Variants in SLC23A3 observed in about 807,000 individuals in gnomAD.
SLC23A3 encodes the protein solute carrier family 23 member 3.
SLC23A3 carries 41 observed loss-of-function variants against 64.7 expected under a neutral mutation model. That is an observed-to-expected ratio of 0.63 (90% CI 0.49 to 0.82). SLC23A3 has a LOEUF of 0.82. SLC23A3 is among the 40% of genes least tolerant of loss of function. The probability of loss-of-function intolerance (pLI) is 0.00; values close to 1 mark genes in which losing one functional copy is unlikely to be tolerated. For missense variants in SLC23A3, 647 were observed against 733.4 expected (o/e 0.88, Z 1.36); for synonymous variants, 281 against 306.8 (o/e 0.92, Z 0.88).
rs1301784236 is a variant in SLC23A3, at chr2:219,161,698, T to G, written c.*211A>C. The G allele has an allele frequency of 2.2e-6, 1 of 457,666 alleles. No homozygotes were observed. Among genetic ancestry groups the G allele is most frequent in the Admixed American group, 3.7e-5 (1 of 27,008 alleles). The allele number at this position is 457,666 out of a possible 1,614,324, so 28.4% of individuals were successfully genotyped here. On this transcript the variant is annotated 3_prime_UTR_variant, in exon 12 of 12. Coordinates refer to ENST00000409878, the MANE Select transcript of SLC23A3 (RefSeq NM_001144889.2). ...CAGGCAAAATCTCAATCATTCATGG[T>G]CCACTAAATCATGGCCTCTGCTCTG...
intron 5 of SLC23A3, 159 bp downstream of exon 5, chr2:219,168,493 G>C (rs971919133): frequency 9.2e-7 from 1 of 1,088,802 alleles, no homozygotes; most frequent in African/African-American, 1.6e-5. Context: ...GAAATTCAAG[G>C]AGACCAGATG....
chr2:219,162,317 G>A lies in SLC23A3; in HGVS notation c.1519C>T (p.Leu507=). ...AACTTACCAGGAATCGTGTTCTCTA[G>A]TAGGAAGCCTGAGAGTCCAGCCAGG... The part of the protein sequence containing the change: ...IFLAGLSGFL[L]ENTIPGTQLE... Residue 507 remains leucine, a synonymous_variant, in exon 11 of 12, where the codon CTA becomes TTA. Transcript: ENST00000409878. 1 of 1,614,140 alleles carries A rather than the reference G, an allele frequency of 6.2e-7. No homozygotes were observed. Among genetic ancestry groups the A allele is most frequent in the Non-Finnish European group, 8.5e-7 (1 of 1,180,018 alleles).
rs1950024153 is a variant in SLC23A3 at position 219,168,266 on chromosome 2, G to C, written c.727C>G (p.His243Asp). ...GAAGCTCGCCTCCAGGGGCACACAT[G>C]AAACTGGCAGGAGCCCAGGTGCTGA... ...CSQHLGSCQFHVCPWRRASTS... is the reference protein window; with the variant it reads ...CSQHLGSCQFDVCPWRRASTS... Residue 243 changes from histidine (H) to aspartate (D), a missense_variant, in exon 6 of 12, where the codon CAT becomes GAT. By Grantham distance (81) the His-to-Asp change is moderately conservative. Transcript: ENST00000409878. 1.2e-6 allele frequency: 2 copies of C among 1,613,656 alleles called. No individual in the cohort carries two copies. The highest frequency in any genetic ancestry group is 3.3e-5 in the Admixed American group (2 of 59,960).
rs1319321401 is a variant in SLC23A3, at chr2:219,169,626, C to T, written c.215G>A (p.Cys72Tyr). The T allele has an allele frequency of 6.2e-7, 1 of 1,614,184 alleles. No individual in the cohort carries two copies. Among genetic ancestry groups the T allele is most frequent in the Non-Finnish European group, 8.5e-7 (1 of 1,180,026 alleles). The change falls in exon 2 of 12, where the codon TGC becomes TAC. Residue 72 changes from cysteine (C) to tyrosine (Y), a missense_variant. Coordinates refer to ENST00000409878, the MANE Select transcript of SLC23A3 (RefSeq NM_001144889.2). This position sits in a 1 kb window ranked among gnomAD's most constrained non-coding sequence, Gnocchi z 4.5. ...LLCVSHLLLLCSLSPGGLSYS... is the reference protein window; with the variant it reads ...LLCVSHLLLLYSLSPGGLSYS... ...AGAGAGTCCTCCTGGGGAGAGACTG[C>T]AAAGCAGGAGCAGGTGGGAGACACA... is the stretch of plus-strand genomic sequence containing the variant.
rs1291257184 is a variant in SLC23A3, at chr2:219,169,443, G to C, written c.321-37C>G. 6.2e-7 allele frequency: 1 copy of C among 1,613,786 alleles called. No individual in the cohort carries two copies. The highest frequency in any genetic ancestry group is 1.3e-5 in the African/African-American group (1 of 74,920). On this transcript the variant is annotated intron_variant, in intron 2 of 11. Transcript: ENST00000409878. This position sits in a 1 kb window ranked among gnomAD's most constrained non-coding sequence, Gnocchi z 4.5. ...GCAGCCCCAGCAGGTCTGGGACTAT[G>C]TGGCAGCCAGCAAGGCTCCCCCAAA...
chr2:219,165,486 C>T, intron 7 of SLC23A3, 64 bp from the exon 8 acceptor site: 1 of 1,498,602 alleles, frequency 6.7e-7, no homozygotes, highest in Non-Finnish European at 8.9e-7. Context: ...CTGCCTCCAA[C>T]AGCCTGTGCC....
rs1949997404 is a variant in SLC23A3 at position 219,165,496 on chromosome 2, C to T, written c.914-74G>A. ...ACCCCCTGCCTCCAACAGCCTGTGCCACAAGAATCCTAGATGCCTCAATGT... is the reference window on the plus strand; with the variant it reads ...ACCCCCTGCCTCCAACAGCCTGTGCTACAAGAATCCTAGATGCCTCAATGT... On this transcript the variant is annotated intron_variant, in intron 7 of 11. Transcript: ENST00000409878. 1.5e-5 allele frequency: 22 copies of T among 1,481,770 alleles called. No individual in the cohort carries two copies. The South Asian group carries it at 2.7e-4, about 18-fold the overall frequency. 91.8% of individuals were successfully genotyped at this position (1,481,770 alleles called of 1,614,324 possible).
chr2:219,168,365 G>C, intron 5 of SLC23A3, 47 bp from the exon 6 acceptor site: 1 of 1,524,178 alleles, frequency 6.6e-7, no homozygotes. Flanking sequence ...GGTATCCTGA[G>C]GGATGGGAAA....
chr2:219,169,403 C>G lies in SLC23A3; in HGVS notation c.324G>C (p.Leu108=). The G allele has an allele frequency of 1.2e-6, 2 of 1,614,166 alleles. No homozygotes were observed. The highest frequency in any genetic ancestry group is 2.2e-5 in the South Asian group (2 of 91,086). Reference sequence around the variant, plus strand: ...CTAAGGATGGAGCCTGGACAAGAGGCAGCCTGTAGGAACAGCAGCCCCAGC... The same window carrying G: ...CTAAGGATGGAGCCTGGACAAGAGGGAGCCTGTAGGAACAGCAGCCCCAGC... The part of the protein sequence containing the change: ...TILQTWMGSR[L]PLVQAPSLEF... Residue 108 remains leucine (L), a synonymous_variant, in exon 3 of 12, where the codon CTG becomes CTC. Transcript: ENST00000409878. The surrounding 1 kb of genome is among the most constrained non-coding windows in gnomAD (Gnocchi z 4.5).
Position 219,169,384 on chromosome 2 carries a change from A to T in SLC23A3, c.343T>A (p.Ser115Thr), listed in dbSNP as rs1321579259. Reference sequence around the variant, plus strand: ...AGAGCAGGGATAAGGAACTCTAAGGATGGAGCCTGGACAAGAGGCAGCCTG... The same window carrying T: ...AGAGCAGGGATAAGGAACTCTAAGGTTGGAGCCTGGACAAGAGGCAGCCTG... ...GSRLPLVQAP[S>T]LEFLIPALVL... is the part of the protein sequence containing the mutation. The change falls in exon 3 of 12, where the codon TCC becomes ACC. Residue 115 changes from serine (S) to threonine (T), a missense_variant. Ser to Thr is a moderately conservative substitution (Grantham distance 58). Transcript: ENST00000409878. The surrounding 1 kb of genome is among the most constrained non-coding windows in gnomAD (Gnocchi z 4.5). 1.2e-6 allele frequency: 2 copies of T among 1,614,078 alleles called. No homozygotes were observed. The highest frequency in any genetic ancestry group is 2.7e-5 in the African/African-American group (2 of 74,950).
chr2:219,166,998 C>T (rs891166392), intron 7 of SLC23A3, among the ~76,000 whole-genome samples: 2 of 152,220 alleles, frequency 1.3e-5, no homozygotes, highest in Non-Finnish European at 2.9e-5. Context: ...ATCACTATGT[C>T]CTCTACCATG....
intron 8 of SLC23A3, chr2:219,164,540 A>T: frequency 2.1e-6 from 1 of 487,296 alleles, no homozygotes; most frequent in East Asian, 3.5e-5. Flanking sequence ...GCCTTCTGAA[A>T]TTTTCTTCAC....
rs750691717 is a variant in SLC23A3 at position 219,168,290 on chromosome 2, G to A, written c.703C>T (p.Gln235Ter). Residue 235 changes from glutamine to a stop codon, truncating the protein, a stop_gained, in exon 6 of 12, where the codon CAG becomes TAG. Coordinates refer to ENST00000409878, the MANE Select transcript of SLC23A3 (RefSeq NM_001144889.2). LOFTEE classifies it high-confidence loss of function. ...TGAAACTGGCAGGAGCCCAGGTGCT[G>A]AGAACAGACCACCATGAGCAGGATA... ...LVILLMVVCSQHLGSCQFHVC... is the reference protein window; with the variant it reads ...LVILLMVVCS 2.5e-6 allele frequency: 4 copies of A among 1,612,270 alleles called. No homozygotes were observed.
At chr2:219,168,433 T>C (rs1429523814) in intron 5 of SLC23A3, 115 bp from the exon 6 acceptor site, 14 of 1,313,208 alleles carry the variant, frequency 1.1e-5, no homozygotes, top group African/African-American at 1.0e-4. Flanking sequence ...AGAAGGAAAC[T>C]CCCATGGAAG....
Position 219,165,404 on chromosome 2 carries a change from A to C in SLC23A3, c.932T>G (p.Leu311Trp). The change falls in exon 8 of 12, where the codon TTG (leucine) becomes TGG (tryptophan). Residue 311 changes from leucine to tryptophan, a missense_variant. Coordinates refer to ENST00000409878, the MANE Select transcript of SLC23A3 (RefSeq NM_001144889.2). ...TGCAGCCAGAGCTCTGGGCGTCAGC[A>C]AAGGCCAATTCCACTCACCTGGGGA... ...LPHPGEWNWP[L>W]LTPRALAAGI... 1 of 1,550,758 alleles carries C rather than the reference A, an allele frequency of 6.4e-7. No homozygotes were observed. Among genetic ancestry groups the C allele is most frequent in the Non-Finnish European group, 8.7e-7 (1 of 1,146,704 alleles).
chr2:219,163,332 C>T, intron 10 of SLC23A3, 56 bp downstream of exon 10: 1 of 1,580,122 alleles, frequency 6.3e-7, no homozygotes, highest in Non-Finnish European at 8.6e-7. Flanking sequence ...TCCGGGCAGC[C>T]TGAAGCCTCA....
chr2:219,164,594 C>T (rs559618823), intron 8 of SLC23A3: 1 of 385,596 alleles, frequency 2.6e-6, no homozygotes, highest in Non-Finnish European at 4.7e-6. Context: ...GAGTCTCGCT[C>T]TGTCGCCCAG....
At chr2:219,168,999 C>G (rs752027567) in intron 4 of SLC23A3, 30 bp downstream of exon 4, 2 of 1,605,600 alleles carry the variant, frequency 1.2e-6, no homozygotes, top group South Asian at 1.1e-5. Flanking sequence ...CTGGCACCAC[C>G]CTTATCCCTT....
Position 219,169,272 on chromosome 2 carries a change from G to T in SLC23A3, c.418+37C>A. Reference sequence around the variant, plus strand: ...ACCTGCATGCTCAGATGAGAACCCAGCCCCACCCTTACCCCTTGCCCTTGC... The same window carrying T: ...ACCTGCATGCTCAGATGAGAACCCATCCCCACCCTTACCCCTTGCCCTTGC... On this transcript the variant is annotated intron_variant, in intron 3 of 11. Coordinates refer to ENST00000409878, the MANE Select transcript of SLC23A3 (RefSeq NM_001144889.2). The surrounding 1 kb of genome is among the most constrained non-coding windows in gnomAD (Gnocchi z 4.5). 1 of 1,613,934 alleles carries T rather than the reference G, an allele frequency of 6.2e-7. No individual in the cohort carries two copies. Among genetic ancestry groups the T allele is most frequent in the Non-Finnish European group, 8.5e-7 (1 of 1,180,014 alleles).
Sources: gnomAD v4.1 joint callset for allele counts (sites outside exome capture counted in the v4.1 genomes callset) on GRCh38, gnomAD v4.1.1 for gene constraint, Gnocchi (gnomAD v3.1) non-coding constraint, MANE v1.5 for transcripts, NCBI Gene and HGNC (gene_info 2026-07-23, HGNC 2026-07-21) for gene names.